MZT2B: variants seen among roughly 807,000 people sequenced by gnomAD.
MZT2B encodes mitotic spindle organizing protein 2B.
Under a neutral mutation model 12.1 loss-of-function variants are expected in MZT2B, and 11 were observed. The observed-to-expected ratio is 0.91, with a 90% CI of 0.57 to 1.50. The LOEUF (loss-of-function observed/expected upper bound fraction) is 1.50, where lower values mean the gene tolerates loss of function less well. Among genes scored for constraint, MZT2B ranks in the 40% most tolerant of loss-of-function variants. The probability of loss-of-function intolerance (pLI) is 0.00; values close to 1 mark genes in which losing one functional copy is unlikely to be tolerated. For synonymous variants in MZT2B, 85 were observed against 109.5 expected (o/e 0.78, Z 1.40); for missense variants, 209 against 227.7 (o/e 0.92, Z 0.53).
upstream of MZT2B, chr2:130,182,030 C>G (rs1689699214): frequency 1.3e-5 from 17 of 1,351,314 alleles, no homozygotes; most frequent in Non-Finnish European, 1.5e-5. Flanking sequence ...CAGGGAGGCC[C>G]AGATCGCCAA....
chr2:130,182,407 AG>A lies in MZT2B; in HGVS notation c.126del (p.Glu42AspfsTer22). ...AGCACCGAGGAGATGGAGCTGTACG[AG>A]CTGGCGCAGGCGGCGGGCGGCGCTA... Reference protein sequence around the residue: ...VLSTEEMELYELAQAAGGAID... With the variant: ...VLSTEEMELYXLAQAAGGAID... On this transcript the variant is annotated frameshift_variant, in exon 1 of 3. Transcript: ENST00000281871. LOFTEE classifies it high-confidence loss of function. 1 of 1,565,246 alleles carries A rather than the reference AG, an allele frequency of 6.4e-7. No individual in the cohort carries two copies. The highest frequency in any genetic ancestry group is 8.6e-7 in the Non-Finnish European group (1 of 1,158,346).
rs772363744 is a variant in MZT2B at position 130,190,566 on chromosome 2, C to T, written c.417C>T (p.Ser139=). ...GSSQRMPRQP[S]ATRLPKGGGP... ...GCCAGAGGATGCCACGCCAGCCCAG[C>T]GCTACCAGGCTGCCCAAGGGGGGCG... Residue 139 remains serine, a synonymous_variant, in exon 3 of 3, where the codon AGC becomes AGT. Coordinates refer to ENST00000281871, the MANE Select transcript of MZT2B (RefSeq NM_025029.5). The T allele has an allele frequency of 3.6e-5, 58 of 1,613,540 alleles. No individual in the cohort carries two copies. The highest frequency in any genetic ancestry group is 1.1e-4 in the East Asian group (5 of 44,854).
chr2:130,186,893 G>A (rs1488082493), intron 2 of MZT2B, among the ~76,000 whole-genome samples: 1 of 149,548 alleles, frequency 6.7e-6, no homozygotes, highest in African/African-American at 2.5e-5. Context: ...GTGAGAGAGT[G>A]AGACCCTGTC....
At chr2:130,192,189 A>G (rs1690280906), downstream of MZT2B, 1 of 1,545,178 alleles carries the variant, frequency 6.5e-7, no homozygotes, top group South Asian at 1.3e-5. Flanking sequence ...AATGGTAGCT[A>G]CTTCTCCTCA....
intron 2 of MZT2B, chr2:130,183,544 G>C (rs1689900123): frequency 1.5e-6 from 1 of 646,974 alleles, no homozygotes; most frequent in Non-Finnish European, 2.8e-6. Context: ...GGCTCTCTCT[G>C]AAATGCAGCA....
At chr2:130,194,375 C>T (rs773360057), downstream of MZT2B, 7 of 1,613,088 alleles carry the variant, frequency 4.3e-6, no homozygotes, top group African/African-American at 2.7e-5. Context: ...CACTGAGAGC[C>T]GCTCCATGAG....
the MZT2B span, among the ~76,000 whole-genome samples, chr2:130,199,213 C>CA: frequency 8.2e-4 from 90 of 109,886 alleles, 16 homozygotes; most frequent in South Asian, 0.011. Context: ...GACTCTGTCT[C>CA]AAAAAAAAAA....
downstream of MZT2B, among the ~76,000 whole-genome samples, chr2:130,194,818 C>T (rs1223167841): frequency 6.6e-6 from 1 of 152,182 alleles, no homozygotes; most frequent in African/African-American, 2.4e-5. Flanking sequence ...GCTGGCAGTA[C>T]AGGTGTGTGC....
At chr2:130,198,382 C>T in the MZT2B span, 1 of 1,356,988 alleles carries the variant, frequency 7.4e-7, no homozygotes, top group Non-Finnish European at 1.0e-6. Context: ...CTGCTTCAGC[C>T]CAACGCTACT....
intron 2 of MZT2B, among the ~76,000 whole-genome samples, chr2:130,188,469 C>T (rs1029207480): frequency 2.6e-5 from 4 of 152,200 alleles, no homozygotes; most frequent in African/African-American, 7.2e-5. Context: ...ACAAGAGATG[C>T]GTGGTGGCTA....
At chr2:130,191,738 A>T, downstream of MZT2B, 1 of 1,539,216 alleles carries the variant, frequency 6.5e-7, no homozygotes, top group Non-Finnish European at 8.8e-7. Context: ...CATGACACTC[A>T]GAGGTCTTGG....
chr2:130,182,058 T>C (rs1034322350), upstream of MZT2B: 3 of 1,346,150 alleles, frequency 2.2e-6, no homozygotes, highest in Non-Finnish European at 2.9e-6. Context: ...ACCCCTGCGG[T>C]CCGCCATGCC....
chr2:130,192,990 A>T (rs1298157142), downstream of MZT2B, among the ~76,000 whole-genome samples: 4 of 151,966 alleles, frequency 2.6e-5, no homozygotes, highest in Non-Finnish European at 5.9e-5. Context: ...GCTACTTGGG[A>T]GGCTGAGGCA....
chr2:130,192,791 TC>T (rs1278023388), downstream of MZT2B, among the ~76,000 whole-genome samples: 1 of 152,162 alleles, frequency 6.6e-6, no homozygotes, highest in Non-Finnish European at 1.5e-5. Flanking sequence ...ATCAGCAAAC[TC>T]GTTCTATAAA....
downstream of MZT2B, chr2:130,195,178 C>G (rs1450834521): frequency 1.2e-6 from 2 of 1,614,030 alleles, no homozygotes; most frequent in Non-Finnish European, 1.7e-6. Context: ...TCCCGGTGAT[C>G]AGCTGCTCTG....
intron 2 of MZT2B, chr2:130,188,196 G>C (rs1212404541): frequency 6.5e-6 from 1 of 153,416 alleles, no homozygotes; most frequent in African/African-American, 2.4e-5. Flanking sequence ...AGCCGACTCT[G>C]AGTCAGGCCC....
At chr2:130,198,862 C>T in the MZT2B span, among the ~76,000 whole-genome samples, 1 of 123,708 alleles carries the variant, frequency 8.1e-6, no homozygotes, top group African/African-American at 2.9e-5. Flanking sequence ...CCCCTCTTCC[C>T]TGTTCCCACC....
At chr2:130,184,818 G>A (rs1689996891) in intron 2 of MZT2B, 1 of 985,320 alleles carries the variant, frequency 1.0e-6, no homozygotes, top group African/African-American at 1.7e-5. Flanking sequence ...GGCAGAGGGT[G>A]TGGCAGGGAA....
downstream of MZT2B, chr2:130,194,383 G>C (rs1690352944): frequency 1.9e-6 from 3 of 1,613,188 alleles, no homozygotes; most frequent in Non-Finnish European, 8.5e-7. Flanking sequence ...GCCGCTCCAT[G>C]AGCAGAGATG....
Sources: gnomAD v4.1 joint callset for allele counts (sites outside exome capture counted in the v4.1 genomes callset) on GRCh38, gnomAD v4.1.1 for gene constraint, MANE v1.5 for transcripts, NCBI Gene and HGNC (gene_info 2026-07-23, HGNC 2026-07-21) for gene names.